The following TRAPPC10 variants were observed in gnomAD, a reference collection of about 807,000 sequenced individuals.
The protein encoded by TRAPPC10 is TRAPP 130 kDa subunit.
Under a neutral mutation model 125.5 loss-of-function variants are expected in TRAPPC10, and 23 were observed. That is an observed-to-expected ratio of 0.18 (90% CI 0.13 to 0.26). The LOEUF (loss-of-function observed/expected upper bound fraction) is 0.26. TRAPPC10 is among the 10% of genes least tolerant of loss of function. The pLI is 1.00. For synonymous variants in TRAPPC10, 509 were observed against 518.0 expected (o/e 0.98, Z 0.24); for missense variants, 1,123 against 1,308.4 (o/e 0.86, Z 2.19).
chr21:44,019,887 G>A (rs1052872726), intron 1 of TRAPPC10, among the ~76,000 whole-genome samples: 1 of 152,230 alleles, frequency 6.6e-6, no homozygotes, highest in Admixed American at 6.5e-5. Context: ...TCCTGACCGA[G>A]GGAATGTTAT....
At chr21:44,062,392 A>T (rs2145914540) in intron 6 of TRAPPC10, among the ~76,000 whole-genome samples, 1 of 152,336 alleles carries the variant, frequency 6.6e-6, no homozygotes, top group Non-Finnish European at 1.5e-5. Context: ...CCATAATAGT[A>T]AGTTTGGGCC....
At chr21:44,018,155 CTT>C (rs2032085437) in intron 1 of TRAPPC10, among the ~76,000 whole-genome samples, 1 of 142,876 alleles carries the variant, frequency 7.0e-6, no homozygotes, top group Non-Finnish European at 1.5e-5. Context: ...TTTTTTTTTT[CTT>C]TTTTTCTTAA....
At chr21:44,017,666 G>C (rs373800818) in intron 1 of TRAPPC10, among the ~76,000 whole-genome samples, 16 of 151,810 alleles carry the variant, frequency 1.1e-4, no homozygotes, top group African/African-American at 3.9e-4. Flanking sequence ...TGCTACGTGG[G>C]GGGCAGGCCC....
At position 44,063,752 on chromosome 21, in the gene TRAPPC10, G is replaced by A; in HGVS notation, c.1005G>A (p.Leu335=). 1.2e-6 allele frequency: 2 copies of A among 1,614,084 alleles called. No individual in the cohort carries two copies. ...TGGCCCAGCGCGCCCTAGAGCTGCT[G>A]CACAACTGCGTGCAGGAACTGAAGC... ...WEVAQRALEL[L]HNCVQELKLL... is the part of the protein sequence containing the mutation. The change falls in exon 7 of 23, where the codon CTG becomes CTA. Residue 335 remains leucine (L), a synonymous_variant. Transcript: ENST00000291574. This position sits in a 1 kb window ranked among gnomAD's most constrained non-coding sequence, Gnocchi z 4.4.
chr21:44,090,017 C>T (rs1368825601), intron 18 of TRAPPC10, 84 bp downstream of exon 18: 24 of 1,039,912 alleles, frequency 2.3e-5, no homozygotes, highest in South Asian at 2.1e-4. Flanking sequence ...AACTGGCCTT[C>T]GTGGTGACCA....
chr21:44,012,429 G>A lies in TRAPPC10; in HGVS notation c.-65G>A. 1 of 1,072,092 alleles carries A rather than the reference G, an allele frequency of 9.3e-7. No homozygotes were observed. The highest frequency in any genetic ancestry group is 1.2e-6 in the Non-Finnish European group (1 of 865,356). The allele number at this position is 1,072,092 out of a possible 1,614,324, so 66.4% of individuals were successfully genotyped here. A position where few individuals can be genotyped will look rare whatever the true frequency, so the allele number is the denominator to read the frequency against. On this transcript the variant is annotated 5_prime_UTR_variant, in exon 1 of 23. Transcript: ENST00000291574. ...GCCGCTCAGGCTCGGGCTCCGGCTGGGCCCGGCGCGGCCTCGGGGCTGCCC... is the reference window on the plus strand; with the variant it reads ...GCCGCTCAGGCTCGGGCTCCGGCTGAGCCCGGCGCGGCCTCGGGGCTGCCC...
At chr21:44,083,344 G>A in intron 14 of TRAPPC10, 42 bp downstream of exon 14, 1 of 1,590,082 alleles carries the variant, frequency 6.3e-7, no homozygotes, top group East Asian at 2.2e-5. Context: ...AGTTTGTAAA[G>A]CAGGGCCGTG....
At chr21:44,018,775 A>C (rs559739478) in intron 1 of TRAPPC10, among the ~76,000 whole-genome samples, 2 of 151,814 alleles carry the variant, frequency 1.3e-5, no homozygotes, top group Non-Finnish European at 2.9e-5. Context: ...CTTCCACCAG[A>C]GGCCTGCCAA....
chr21:44,037,983 A>T lies in TRAPPC10; in HGVS notation c.285+56A>T, dbSNP rs1028839996. Reference sequence around the variant, plus strand: ...GTGGGATGGGGTTGGAGATGCGTGGAGAGTGCTGTGTGAGTACCAGTGGGG... The same window carrying T: ...GTGGGATGGGGTTGGAGATGCGTGGTGAGTGCTGTGTGAGTACCAGTGGGG... On this transcript the variant is annotated intron_variant, in intron 3 of 22. Coordinates refer to ENST00000291574, the MANE Select transcript of TRAPPC10 (RefSeq NM_003274.5). 20 of 1,578,528 alleles carry T rather than the reference A, an allele frequency of 1.3e-5. No individual in the cohort carries two copies. In the African/African-American group the frequency reaches 2.1e-4, roughly 17 times the overall value.
At chr21:44,016,050 A>C (rs2031803462) in intron 1 of TRAPPC10, among the ~76,000 whole-genome samples, 1 of 152,212 alleles carries the variant, frequency 6.6e-6, no homozygotes, top group African/African-American at 2.4e-5. Flanking sequence ...GTGTATGTGA[A>C]ATGTGCAGGG....
intron 1 of TRAPPC10, among the ~76,000 whole-genome samples, chr21:44,026,835 G>A (rs569432688): frequency 5.9e-5 from 9 of 152,280 alleles, no homozygotes; most frequent in African/African-American, 2.2e-4. Context: ...GACACTTTCT[G>A]TCATTCTTCA....
chr21:44,074,499 C>A (rs755356650), intron 8 of TRAPPC10, 29 bp downstream of exon 8: 140 of 1,613,222 alleles, frequency 8.7e-5, no homozygotes, highest in Non-Finnish European at 1.2e-4. Flanking sequence ...GTGGAATGCT[C>A]ACGTTGTCTC....
chr21:44,022,508 T>C (rs2032633846), intron 1 of TRAPPC10, among the ~76,000 whole-genome samples: 1 of 142,552 alleles, frequency 7.0e-6, no homozygotes, highest in Non-Finnish European at 1.5e-5. Flanking sequence ...GAGATGGGGT[T>C]TCTCCATGTT....
In TRAPPC10 at chr21:44,092,037, G is replaced by A. The variant is rs751059955; in HGVS notation, c.2985G>A (p.Thr995=). The change falls in exon 19 of 23, where the codon ACG becomes ACA. Residue 995 remains threonine (T), a synonymous_variant. Transcript: ENST00000291574. ...STDLQLVPLN[T]QSQQPIYSKQ... ...ACCTGCAACTAGTACCACTGAACAC[G>A]CAGTCCCAGCAGGTAAACATTGTGT... 4.3e-6 allele frequency: 7 copies of A among 1,613,820 alleles called. No homozygotes were observed. The highest frequency in any genetic ancestry group is 1.6e-4 in the Middle Eastern group (1 of 6,074).
intron 3 of TRAPPC10, among the ~76,000 whole-genome samples, chr21:44,051,740 C>A (rs1300781280): frequency 6.6e-6 from 1 of 152,224 alleles, no homozygotes; most frequent in African/African-American, 2.4e-5. Flanking sequence ...ACACGGCCTT[C>A]GCAGACTTGC....
At chr21:44,083,886 T>C (rs985072769) in intron 14 of TRAPPC10, among the ~76,000 whole-genome samples, 1 of 152,198 alleles carries the variant, frequency 6.6e-6, no homozygotes, top group Non-Finnish European at 1.5e-5. Flanking sequence ...AAGTTGAAAA[T>C]ACCTTATTAA....
chr21:44,050,943 C>T (rs772276876), intron 3 of TRAPPC10, among the ~76,000 whole-genome samples: 3 of 152,088 alleles, frequency 2.0e-5, no homozygotes, highest in Non-Finnish European at 4.4e-5. Flanking sequence ...CTCGCTCTGT[C>T]GCCCAGGCTG....
rs184195379 is a variant in TRAPPC10 at position 44,074,485 on chromosome 21, A to C, written c.1185+15A>C. ...CCACAGAAAAGGTGCCTACCTGCCC[A>C]AGTGTGGAATGCTCACGTTGTCTCT... On this transcript the variant is annotated intron_variant, in intron 8 of 22. Transcript: ENST00000291574. The C allele has an allele frequency of 2.8e-4, 444 of 1,614,012 alleles. 2 individuals are homozygous for C. The African/African-American group carries it at 5.2e-3, about 19-fold the overall frequency.
At chr21:44,022,201 C>T (rs1601559079) in intron 1 of TRAPPC10, among the ~76,000 whole-genome samples, 2 of 151,354 alleles carry the variant, frequency 1.3e-5, no homozygotes, top group African/African-American at 2.4e-5. Flanking sequence ...CTCCGCCTCT[C>T]GGGTTCAAGC....
Sources: gnomAD v4.1 joint callset for allele counts (sites outside exome capture counted in the v4.1 genomes callset) on GRCh38, gnomAD v4.1.1 for gene constraint, Gnocchi (gnomAD v3.1) non-coding constraint, MANE v1.5 for transcripts, NCBI Gene and HGNC (gene_info 2026-07-23, HGNC 2026-07-21) for gene names.